CD82: variants seen among roughly 807,000 people sequenced by gnomAD.
CD82 encodes CD82 molecule.
CD82 carries 36 observed loss-of-function variants against 37.4 expected under a neutral mutation model. That is an observed-to-expected ratio of 0.96 (90% CI 0.74 to 1.27). The LOEUF (loss-of-function observed/expected upper bound fraction) is 1.27. CD82 is among the 50% of genes most tolerant of loss of function. CD82 has a pLI of 0.00. For missense variants in CD82, 340 were observed against 347.0 expected, an observed-to-expected ratio of 0.98 and a Z score of 0.16; for synonymous variants, 158 against 137.4, an observed-to-expected ratio of 1.15 and a Z score of -1.05.
chr11:44,611,658 C>T (rs1350623354), intron 6 of CD82, among the ~76,000 whole-genome samples: 1 of 152,208 alleles, frequency 6.6e-6, no homozygotes, highest in Non-Finnish European at 1.5e-5. Flanking sequence ...AATGTCTTCT[C>T]CTGCTACCTC....
chr11:44,600,733 G>T (rs1474664980), intron 4 of CD82, among the ~76,000 whole-genome samples: 1 of 152,192 alleles, frequency 6.6e-6, no homozygotes, highest in Non-Finnish European at 1.5e-5. Flanking sequence ...CCAATTATCA[G>T]GCTCCTCATG....
intron 4 of CD82, among the ~76,000 whole-genome samples, chr11:44,601,570 C>T (rs1853310058): frequency 6.6e-6 from 1 of 152,210 alleles, no homozygotes. Context: ...TGCCCACCCA[C>T]ATTTCTGCCC....
At chr11:44,611,540 T>A (rs981422948) in intron 6 of CD82, among the ~76,000 whole-genome samples, 1 of 152,178 alleles carries the variant, frequency 6.6e-6, no homozygotes, top group Admixed American at 6.5e-5. Flanking sequence ...GAGTGGGGCC[T>A]CCTCAGCTCC....
intron 6 of CD82, 138 bp from the exon 7 acceptor site, chr11:44,615,134 G>C: frequency 3.1e-6 from 2 of 645,858 alleles, no homozygotes; most frequent in Non-Finnish European, 5.8e-6. Context: ...CCCTGGGAGC[G>C]CCAGGAAAGT....
Position 44,584,850 on chromosome 11 carries a change from C to T in CD82, c.-102-2625C>T, listed in dbSNP as rs372603333. 3.1e-4 allele frequency among the ~76,000 whole-genome samples: 47 copies of T among 152,304 alleles called. 1 individual carries two copies. The highest frequency in any genetic ancestry group is 9.6e-4 in the African/African-American group (40 of 41,566). ...CAGCCGTCTGTGCCCAGCCTCTTCC[C>T]GTGGGTGATCAGGACAAAGTCCAGA... On this transcript the variant is annotated intron_variant, in intron 1 of 9. Transcript: ENST00000227155.
intron 7 of CD82, among the ~76,000 whole-genome samples, chr11:44,616,593 AAC>A (rs1853567954): frequency 6.6e-6 from 1 of 152,142 alleles, no homozygotes; most frequent in Admixed American, 6.5e-5. Context: ...CTGGAGTGCT[AAC>A]ACTGCCACAG....
intron 9 of CD82, 43 bp from the exon 10 acceptor site, chr11:44,619,006 C>G: frequency 6.5e-7 from 1 of 1,544,496 alleles, no homozygotes; most frequent in East Asian, 2.2e-5. Context: ...CGTCTGAGGC[C>G]GGGACACCCA....
chr11:44,582,351 A>T (rs555708727), intron 1 of CD82, among the ~76,000 whole-genome samples: 94 of 152,210 alleles, frequency 6.2e-4, no homozygotes, highest in Non-Finnish European at 9.3e-4. Flanking sequence ...CCCTGTGTCC[A>T]TCCCATGCCT....
intron 1 of CD82, among the ~76,000 whole-genome samples, chr11:44,569,051 G>C (rs1044796787): frequency 6.6e-6 from 1 of 152,224 alleles, no homozygotes; most frequent in African/African-American, 2.4e-5. Context: ...GTGAGAGGTG[G>C]GAAGGGAGGG....
chr11:44,572,620 CAA>C (rs113104107), intron 1 of CD82, among the ~76,000 whole-genome samples: 45,291 of 151,978 alleles, frequency 0.3, 7,246 homozygotes, highest in African/African-American at 0.41. Context: ...GGCTGGGAGA[CAA>C]GAGTTAGATA....
intron 6 of CD82, among the ~76,000 whole-genome samples, chr11:44,607,152 T>C (rs1007180571): frequency 6.6e-6 from 1 of 152,234 alleles, no homozygotes; most frequent in African/African-American, 2.4e-5. Flanking sequence ...CTGAGATCCC[T>C]CTTGGAAGGA....
chr11:44,619,636 GCA>G lies in CD82; in HGVS notation c.*512_*513del, dbSNP rs1853630910. ...AAAATTTAGCCGGGCGCGGTGGCGGGCACCTGTAGTCCCAGCTACTTGGGAGG... is the reference window on the plus strand; with the variant it reads ...AAAATTTAGCCGGGCGCGGTGGCGGGCCTGTAGTCCCAGCTACTTGGGAGG... On this transcript the variant is annotated 3_prime_UTR_variant, in exon 10 of 10. Coordinates refer to ENST00000227155, the MANE Select transcript of CD82 (RefSeq NM_002231.4). 2 of 153,286 alleles carry G rather than the reference GCA, an allele frequency of 1.3e-5. No individual in the cohort carries two copies. Among genetic ancestry groups the G allele is most frequent in the Non-Finnish European group, 2.9e-5 (2 of 68,858 alleles). The allele number at this position is 153,286 out of a possible 1,614,324, so 9.5% of individuals were successfully genotyped here. A position where few individuals can be genotyped will look rare whatever the true frequency, so the allele number is the denominator to read the frequency against.
intron 2 of CD82, among the ~76,000 whole-genome samples, chr11:44,589,678 C>T (rs972803646): frequency 2.6e-5 from 4 of 152,220 alleles, no homozygotes; most frequent in Non-Finnish European, 4.4e-5. Context: ...GGAAGTCCCT[C>T]CTCTGTGGCC....
chr11:44,595,166 G>A (rs544704965), intron 3 of CD82, among the ~76,000 whole-genome samples: 5 of 152,358 alleles, frequency 3.3e-5, no homozygotes, highest in East Asian at 1.9e-4. Flanking sequence ...CGTCCCTGTC[G>A]TGGGAAGGTA....
At chr11:44,611,211 G>A (rs1853476153) in intron 6 of CD82, among the ~76,000 whole-genome samples, 1 of 152,210 alleles carries the variant, frequency 6.6e-6, no homozygotes, top group Admixed American at 6.5e-5. Flanking sequence ...AGCTGGCCCT[G>A]GGCAGGACTC....
At chr11:44,566,487 C>T (rs565540121) in intron 1 of CD82, among the ~76,000 whole-genome samples, 60 of 152,276 alleles carry the variant, frequency 3.9e-4, no homozygotes, top group Non-Finnish European at 6.9e-4. Flanking sequence ...TCTTGGCTGA[C>T]GGGTTCTGTT....
In CD82 at chr11:44,597,310, C is replaced by T. The variant is rs1044292564; in HGVS notation, c.63+2585C>T. On this transcript the variant is annotated intron_variant, in intron 3 of 9. Transcript: ENST00000227155. This position sits in a 1 kb window ranked among gnomAD's most constrained non-coding sequence, Gnocchi z 4.1. ...CTATGCTGGGGAAGGACGCTCACTG[C>T]TCTGAGGGTCCTGGCTCCTGATGGG... Among the ~76,000 whole-genome samples, 1 of 152,206 alleles carries T rather than the reference C, an allele frequency of 6.6e-6. No individual in the cohort carries two copies. The highest frequency in any genetic ancestry group is 1.9e-4 in the East Asian group (1 of 5,194).
chr11:44,618,821 G>C, intron 9 of CD82, 98 bp downstream of exon 9: 9 of 1,069,206 alleles, frequency 8.4e-6, no homozygotes, highest in Admixed American at 2.1e-5. Context: ...AAGGGGGCCA[G>C]CACCCCATCA....
chr11:44,564,646 G>A (rs1852701184), upstream of CD82: 1 of 384,822 alleles, frequency 2.6e-6, no homozygotes, highest in Non-Finnish European at 5.2e-6. Context: ...CAGCTTTGAG[G>A]GCTTAGGCCC....
Sources: allele counts gnomAD v4.1 joint callset (sites outside exome capture counted in the v4.1 genomes callset), GRCh38; gene constraint gnomAD v4.1.1; non-coding constraint Gnocchi (gnomAD v3.1); transcripts MANE v1.5; gene names NCBI Gene and HGNC (gene_info 2026-07-23, HGNC 2026-07-21).